VWA8: variants seen among roughly 807,000 people sequenced by gnomAD.
VWA8 encodes von Willebrand factor A domain-containing protein 8.
Under a neutral mutation model 241.5 loss-of-function variants are expected in VWA8, and 221 were observed. That is an observed-to-expected ratio of 0.91 (90% CI 0.82 to 1.02). The LOEUF is 1.02. Ranked by LOEUF, VWA8 falls within the 50% of genes least tolerant of loss-of-function variation. The pLI is 0.00. For synonymous variants in VWA8, 852 were observed against 827.1 expected (o/e 1.03, Z -0.52); for missense variants, 2,322 against 2,328.7 (o/e 1.00, Z 0.06).
At chr13:41,622,685 A>T (rs183330911) in intron 37 of VWA8, among the ~76,000 whole-genome samples, 2 of 152,352 alleles carry the variant, frequency 1.3e-5, no homozygotes, top group East Asian at 3.9e-4. Context: ...TGTAAATTAC[A>T]ACTCATAAAA....
At chr13:41,849,168 G>A (rs928895495) in intron 12 of VWA8, among the ~76,000 whole-genome samples, 6 of 152,132 alleles carry the variant, frequency 3.9e-5, no homozygotes, top group African/African-American at 9.7e-5. Flanking sequence ...AAAGTTCTAC[G>A]TATTCAGAAA....
At position 41,880,277 on chromosome 13, in the gene VWA8, T is replaced by C. The variant is rs181098477; in HGVS notation, c.1080+3110A>G. 1.6e-3 allele frequency among the ~76,000 whole-genome samples: 250 copies of C among 152,276 alleles called. 2 individuals are homozygous for C. Among genetic ancestry groups the C allele is most frequent in the Non-Finnish European group, 3.0e-3 (201 of 68,014 alleles). ...AATGGTTAACATTTTTTTAGCACAT[T>C]TCCCCCTCCCTCCTACTCCCCCTGC... On this transcript the variant is annotated intron_variant, in intron 9 of 44. Coordinates refer to ENST00000379310, the MANE Select transcript of VWA8 (RefSeq NM_015058.2).
intron 17 of VWA8, among the ~76,000 whole-genome samples, chr13:41,808,816 A>G (rs1269589488): frequency 2.0e-5 from 3 of 152,042 alleles, no homozygotes; most frequent in Non-Finnish European, 4.4e-5. Context: ...AAATTACATT[A>G]TCCTTGTTTG....
At position 41,745,285 on chromosome 13, in the gene VWA8, C is replaced by T. The variant is rs1378288358; in HGVS notation, c.2427-13130G>A. Among the ~76,000 whole-genome samples, 3 of 152,096 alleles carry T rather than the reference C, an allele frequency of 2.0e-5. No homozygotes were observed. In the South Asian group the frequency reaches 6.2e-4, roughly 32 times the overall value. ...GGTATTTCTCCTAATGCTATCCCTC[C>T]CGCATCCCCCCACCCCATGACAGGC... On this transcript the variant is annotated intron_variant, in intron 21 of 44. Transcript: ENST00000379310.
chr13:41,578,225 T>A (rs1277137609), intron 42 of VWA8, among the ~76,000 whole-genome samples: 1 of 152,192 alleles, frequency 6.6e-6, no homozygotes, highest in African/African-American at 2.4e-5. Context: ...CCAGCCTTTG[T>A]CTGTGCCTGG....
At chr13:41,691,521 G>C (rs188898823) in intron 31 of VWA8, 76 bp from the exon 32 acceptor site, 2 of 1,509,970 alleles carry the variant, frequency 1.3e-6, no homozygotes, top group East Asian at 2.4e-5. Flanking sequence ...ATCATTTCAT[G>C]ATACATTATG....
In VWA8 at chr13:41,668,344, A is replaced by G. The variant is rs1382417493; in HGVS notation, c.4611+2602T>C. Among the ~76,000 whole-genome samples the G allele has an allele frequency of 2.0e-5, 3 of 152,132 alleles. No homozygotes were observed. In the East Asian group the frequency reaches 5.8e-4, roughly 29 times the overall value. The stretch of plus-strand genomic sequence containing the variant: ...ATGTAAAAAGTAAGTCCATCTGGCC[A>G]CTAGATGGAGATCAGGTTACTCTGT... On this transcript the variant is annotated intron_variant, in intron 37 of 44. Transcript: ENST00000379310.
intron 12 of VWA8, 134 bp downstream of exon 12, chr13:41,865,602 T>A (rs1873251758): frequency 1.1e-6 from 1 of 889,468 alleles, no homozygotes; most frequent in African/African-American, 1.7e-5. Context: ...TTAATTTGAA[T>A]AATTTTATTA....
intron 13 of VWA8, among the ~76,000 whole-genome samples, chr13:41,831,393 A>C (rs770842715): frequency 5.3e-5 from 8 of 152,152 alleles, no homozygotes; most frequent in African/African-American, 1.2e-4. Flanking sequence ...GAACGACTCT[A>C]TCTCTCTAAA....
rs537027426 is a variant in VWA8 at position 41,603,720 on chromosome 13, T to C, written c.4986+1448A>G. 3.3e-5 allele frequency among the ~76,000 whole-genome samples: 5 copies of C among 152,230 alleles called. No homozygotes were observed. In the East Asian group the frequency reaches 7.7e-4, roughly 24 times the overall value. On this transcript the variant is annotated intron_variant, in intron 40 of 44. Coordinates refer to ENST00000379310, the MANE Select transcript of VWA8 (RefSeq NM_015058.2). ...CACCAGGGTGTGCTTTTCTCAGCCATACCAAATACTCTGTCCTTCTCTGAA... is the reference window on the plus strand; with the variant it reads ...CACCAGGGTGTGCTTTTCTCAGCCACACCAAATACTCTGTCCTTCTCTGAA...
chr13:41,622,319 T>C (rs1254765979), intron 37 of VWA8, among the ~76,000 whole-genome samples: 1 of 152,176 alleles, frequency 6.6e-6, no homozygotes, highest in African/African-American at 2.4e-5. Context: ...GGGACAGCCA[T>C]GTGGTAGACA....
chr13:41,783,052 T>C (rs1365563705), intron 19 of VWA8, among the ~76,000 whole-genome samples: 1 of 151,228 alleles, frequency 6.6e-6, no homozygotes, highest in Non-Finnish European at 1.5e-5. Context: ...GCATAGGACA[T>C]ATCCCTCTGA....
intron 20 of VWA8, among the ~76,000 whole-genome samples, chr13:41,764,065 C>T (rs556141162): frequency 2.0e-5 from 3 of 152,152 alleles, no homozygotes; most frequent in Admixed American, 1.3e-4. Context: ...TATTCTTAAC[C>T]GTCAACTGAA....
chr13:41,752,734 T>C (rs1042729619), intron 21 of VWA8, among the ~76,000 whole-genome samples: 2 of 152,188 alleles, frequency 1.3e-5, no homozygotes, highest in African/African-American at 4.8e-5. Flanking sequence ...TGTTTAGGTA[T>C]CTAAAGGTGC....
intron 12 of VWA8, chr13:41,864,585 C>A: frequency 2.3e-6 from 1 of 437,910 alleles, no homozygotes; most frequent in Non-Finnish European, 4.5e-6. Flanking sequence ...ACAAGAAGGA[C>A]AAAAATTATA....
intron 12 of VWA8, among the ~76,000 whole-genome samples, chr13:41,838,587 A>C (rs568985524): frequency 6.6e-6 from 1 of 152,178 alleles, no homozygotes; most frequent in Non-Finnish European, 1.5e-5. Flanking sequence ...AGTTGCAAAA[A>C]TATGCTTAAT....
chr13:41,757,225 T>C (rs866223392), intron 21 of VWA8, among the ~76,000 whole-genome samples: 1 of 151,712 alleles, frequency 6.6e-6, no homozygotes, highest in Non-Finnish European at 1.5e-5. Context: ...ACAGCTCCTG[T>C]AGGATTATGT....
intron 35 of VWA8, among the ~76,000 whole-genome samples, chr13:41,676,898 G>A (rs1237339073): frequency 6.6e-6 from 1 of 152,218 alleles, no homozygotes; most frequent in East Asian, 1.9e-4. Context: ...CTCCCAAAGT[G>A]CAGGGATTAC....
chr13:41,921,484 C>G (rs1473831647), intron 2 of VWA8, among the ~76,000 whole-genome samples: 4 of 152,124 alleles, frequency 2.6e-5, no homozygotes, highest in East Asian at 1.9e-4. Flanking sequence ...ATTAGGAAAA[C>G]AGGAAGTCAA....
Sources: gnomAD v4.1 joint callset for allele counts (sites outside exome capture counted in the v4.1 genomes callset) on GRCh38, gnomAD v4.1.1 for gene constraint, MANE v1.5 for transcripts, NCBI Gene and HGNC (gene_info 2026-07-23, HGNC 2026-07-21) for gene names.